The following SORCS2 variants were observed in gnomAD, a reference collection of about 807,000 sequenced individuals.
The protein encoded by SORCS2 is sortilin related VPS10 domain containing receptor 2.
In SORCS2, 100 loss-of-function variants were observed where a neutral mutation model predicts 141.6. The ratio of observed to expected loss-of-function variants is 0.71; its 90% CI spans 0.60 to 0.83. The LOEUF is 0.83. Ranked by LOEUF, SORCS2 falls within the 40% of genes least tolerant of loss-of-function variation. The pLI, the probability that SORCS2 is intolerant of heterozygous loss-of-function variation, is 0.00. For synonymous variants in SORCS2, 789 were observed against 676.9 expected (o/e 1.17, Z -2.57); for missense variants, 1,646 against 1,560.2 (o/e 1.05, Z -0.93).
At chr4:7,321,781 C>G (rs945919447) in intron 1 of SORCS2, among the ~76,000 whole-genome samples, 7 of 152,152 alleles carry the variant, frequency 4.6e-5, no homozygotes, top group African/African-American at 1.7e-4. Flanking sequence ...GGGCATATCT[C>G]TGAGGTGGGA....
At chr4:7,661,328 C>T (rs1577911244) in intron 5 of SORCS2, among the ~76,000 whole-genome samples, 172 bp from the exon 6 acceptor site, 2 of 147,582 alleles carry the variant, frequency 1.4e-5, no homozygotes, top group South Asian at 4.4e-4. Context: ...GCAGAGACTC[C>T]AAGCACCTCA....
intron 1 of SORCS2, among the ~76,000 whole-genome samples, chr4:7,375,879 C>G (rs555995627): frequency 7.5e-6 from 1 of 133,038 alleles, no homozygotes; most frequent in East Asian, 1.9e-4. Context: ...TCCCTACCAT[C>G]GGCCGCTTGT....
chr4:7,548,038 G>A (rs969634953), intron 3 of SORCS2, among the ~76,000 whole-genome samples: 1 of 152,170 alleles, frequency 6.6e-6, no homozygotes, highest in African/African-American at 2.4e-5. Flanking sequence ...GAGCAATGTA[G>A]GATCACACTC....
chr4:7,439,161 G>A (rs1415430150), intron 2 of SORCS2, among the ~76,000 whole-genome samples: 1 of 150,894 alleles, frequency 6.6e-6, no homozygotes, highest in Non-Finnish European at 1.5e-5. Context: ...GGGTGAAAGA[G>A]GAAGGAAGGA....
At position 7,192,708 on chromosome 4, in the gene SORCS2, G is replaced by A; in HGVS notation, c.62G>A (p.Ser21Asn). The change falls in exon 1 of 27, where the codon AGC becomes AAC. Residue 21 changes from serine to asparagine, a missense_variant. Coordinates refer to ENST00000507866, the MANE Select transcript of SORCS2 (RefSeq NM_020777.3). This position sits in a 1 kb window ranked among gnomAD's most constrained non-coding sequence, Gnocchi z 4.0. ...CCCGGCCCCACCGCCCGAGCCCCGA[G>A]CCCCGGGGCTCCGCCGCCGCCGCGC... Reference protein sequence around the residue: ...KGPGPTARAPSPGAPPPPRSP... With the variant: ...KGPGPTARAPNPGAPPPPRSP... 3 of 989,592 alleles carry A rather than the reference G, an allele frequency of 3.0e-6. No individual in the cohort carries two copies. Among genetic ancestry groups the A allele is most frequent in the Non-Finnish European group, 3.6e-6 (3 of 834,214 alleles). The allele number at this position is 989,592 out of a possible 1,614,324, so 61.3% of individuals were successfully genotyped here. A position where few individuals can be genotyped will look rare whatever the true frequency, so the allele number is the denominator to read the frequency against.
chr4:7,367,901 C>G (rs2109036687), intron 1 of SORCS2, among the ~76,000 whole-genome samples: 1 of 152,344 alleles, frequency 6.6e-6, no homozygotes, highest in East Asian at 1.9e-4. Context: ...CAGCCCCCAG[C>G]CCTCCTGCCA....
chr4:7,301,602 G>T (rs1335855864), intron 1 of SORCS2, among the ~76,000 whole-genome samples: 3 of 152,260 alleles, frequency 2.0e-5, no homozygotes, highest in Non-Finnish European at 4.4e-5. Flanking sequence ...AGAGGCCTAG[G>T]TTGGCGCCTG....
chr4:7,271,644 G>A (rs1051496780), intron 1 of SORCS2, among the ~76,000 whole-genome samples: 1 of 152,194 alleles, frequency 6.6e-6, no homozygotes, highest in Non-Finnish European at 1.5e-5. Context: ...TGTGGCTCCC[G>A]TCTGCCACAG....
chr4:7,717,599 G>C (rs1002556257), intron 17 of SORCS2, among the ~76,000 whole-genome samples: 35 of 152,366 alleles, frequency 2.3e-4, no homozygotes, highest in Non-Finnish European at 4.4e-5. Context: ...CTGTGAGCCA[G>C]TGGCGAGGTG....
intron 1 of SORCS2, among the ~76,000 whole-genome samples, chr4:7,337,088 A>T (rs1304209942): frequency 6.6e-6 from 1 of 152,186 alleles, no homozygotes. Context: ...TCCGTGTCAG[A>T]GTCCATGTCA....
chr4:7,382,516 G>A (rs553101879), intron 1 of SORCS2, among the ~76,000 whole-genome samples: 1 of 152,266 alleles, frequency 6.6e-6, no homozygotes, highest in South Asian at 2.1e-4. Context: ...GAGCCGGGAA[G>A]GCCTTATTGA....
intron 2 of SORCS2, among the ~76,000 whole-genome samples, chr4:7,467,827 G>T (rs1729714095): frequency 6.6e-6 from 1 of 152,374 alleles, no homozygotes; most frequent in African/African-American, 2.4e-5. Flanking sequence ...GGGTTCCTCT[G>T]CAGCTTTCCT....
intron 14 of SORCS2, among the ~76,000 whole-genome samples, chr4:7,709,375 G>A (rs916577707): frequency 2.0e-5 from 3 of 152,320 alleles, no homozygotes; most frequent in African/African-American, 7.2e-5. Flanking sequence ...TCTGAGCCTT[G>A]GTTAGGCCCC....
At chr4:7,709,623 C>T (rs1420691669) in intron 14 of SORCS2, among the ~76,000 whole-genome samples, 1 of 152,228 alleles carries the variant, frequency 6.6e-6, no homozygotes, top group Non-Finnish European at 1.5e-5. Flanking sequence ...GACTCAAAGT[C>T]CCTCTGCAGG....
chr4:7,217,476 C>G (rs1728432206), intron 1 of SORCS2, among the ~76,000 whole-genome samples: 1 of 152,214 alleles, frequency 6.6e-6, no homozygotes, highest in Non-Finnish European at 1.5e-5. Context: ...GAGCCTGCAG[C>G]AGGAGGCTCG....
In SORCS2 at chr4:7,193,327, G is replaced by T. The variant is rs4689630; in HGVS notation, c.480+201G>T. On this transcript the variant is annotated intron_variant, in intron 1 of 26. Coordinates refer to ENST00000507866, the MANE Select transcript of SORCS2 (RefSeq NM_020777.3). The surrounding 1 kb of genome is among the most constrained non-coding windows in gnomAD (Gnocchi z 4.8). The stretch of plus-strand genomic sequence containing the variant: ...TACTTGGGGAGAGGTCCTCAGATTC[G>T]TACGCTTGTCTCACCGCAGGGGACA... Among the ~76,000 whole-genome samples, 1 of 151,994 alleles carries T rather than the reference G, an allele frequency of 6.6e-6. No homozygotes were observed. The highest frequency in any genetic ancestry group is 2.4e-5 in the African/African-American group (1 of 41,366).
intron 2 of SORCS2, among the ~76,000 whole-genome samples, chr4:7,464,647 A>C (rs1729502390): frequency 1.3e-5 from 2 of 152,224 alleles, no homozygotes; most frequent in Non-Finnish European, 2.9e-5. Context: ...AGGTAGGACT[A>C]GGGGCTGCTG....
At chr4:7,334,512 TG>T (rs1000001444) in intron 1 of SORCS2, among the ~76,000 whole-genome samples, 8 of 151,958 alleles carry the variant, frequency 5.3e-5, no homozygotes, top group Non-Finnish European at 1.2e-4. Context: ...ACCTGACACC[TG>T]GGGGGTGCTC....
chr4:7,239,356 G>C (rs1039686628), intron 1 of SORCS2, among the ~76,000 whole-genome samples: 1 of 152,266 alleles, frequency 6.6e-6, no homozygotes, highest in Non-Finnish European at 1.5e-5. Context: ...ACTGCCAGGA[G>C]CAGCTCCCCT....
Sources: gnomAD v4.1 joint callset for allele counts (sites outside exome capture counted in the v4.1 genomes callset) on GRCh38, gnomAD v4.1.1 for gene constraint, Gnocchi (gnomAD v3.1) non-coding constraint, MANE v1.5 for transcripts, NCBI Gene and HGNC (gene_info 2026-07-23, HGNC 2026-07-21) for gene names.